Variants in TAB3 observed in about 807,000 individuals in gnomAD.
TAB3 encodes TGF-beta-activated kinase 1 and MAP3K7-binding protein 3.
Under a neutral mutation model 48.1 loss-of-function variants are expected in TAB3, and 18 were observed. The ratio of observed to expected loss-of-function variants is 0.37; its 90% CI spans 0.26 to 0.55. TAB3 has a LOEUF of 0.55. Ranked by LOEUF, TAB3 falls within the 20% of genes least tolerant of loss-of-function variation. TAB3 has a pLI of 0.78. For synonymous variants in TAB3, 185 were observed against 190.2 expected, an observed-to-expected ratio of 0.97 and a Z score of 0.22; for missense variants, 414 against 549.8, an observed-to-expected ratio of 0.75 and a Z score of 2.47.
In TAB3 at chrX:30,831,553, T is replaced by C. The variant is rs1186983685; in HGVS notation, c.2013A>G (p.Gln671=). The change falls in exon 11 of 11, where the codon CAA becomes CAG. Residue 671 remains glutamine, a synonymous_variant. Coordinates refer to ENST00000288422, the MANE Select transcript of TAB3 (RefSeq NM_152787.5). ...CATCTCGAGGTTGTGTCCGAGGACT[T>C]TGTGTGGAGCCAGTTCGATGCTCTG... ...AADEHRTGST[Q]SPRTQPRDED... 1 of 1,211,375 alleles carries C rather than the reference T, an allele frequency of 8.3e-7. No homozygotes were observed. Among genetic ancestry groups the C allele is most frequent in the Non-Finnish European group, 1.1e-6 (1 of 895,390 alleles).
intron 8 of TAB3, chrX:30,843,269 TA>T: frequency 3.7e-6 from 1 of 270,260 alleles, no homozygotes; most frequent in Non-Finnish European, 6.4e-6. Context: ...GTCTACAATG[TA>T]TTACACTTAA....
intron 1 of TAB3, among the ~76,000 whole-genome samples, chrX:30,872,977 C>G (rs1237751021): frequency 2.7e-5 from 3 of 111,050 alleles, no homozygotes; most frequent in Non-Finnish European, 5.7e-5. Flanking sequence ...GATAAAGAAA[C>G]AAGTTAAACA....
intron 9 of TAB3, among the ~76,000 whole-genome samples, chrX:30,841,481 T>C (rs1938438992): frequency 9.2e-6 from 1 of 108,260 alleles, no homozygotes; most frequent in African/African-American, 3.4e-5. Flanking sequence ...ATGGTAATAT[T>C]AAACAATAAA....
intron 4 of TAB3, among the ~76,000 whole-genome samples, chrX:30,860,051 T>G (rs776305658): frequency 3.5e-4 from 39 of 111,775 alleles, no homozygotes; most frequent in Non-Finnish European, 3.4e-4. Context: ...CTTGAAGAGG[T>G]GCACTCACTG....
In TAB3 at chrX:30,855,369, A is replaced by G. The variant is rs1431877185; in HGVS notation, c.296T>C (p.Val99Ala). 1 of 1,209,379 alleles carries G rather than the reference A, an allele frequency of 8.3e-7. No homozygotes were observed. The highest frequency in any genetic ancestry group is 1.8e-5 in the African/African-American group (1 of 57,132). Residue 99 changes from valine (V) to alanine (A), a missense_variant, in exon 6 of 11, where the codon GTA becomes GCA. Coordinates refer to ENST00000288422, the MANE Select transcript of TAB3 (RefSeq NM_152787.5). ...GAQLNGGRTL[V>A]HSSSDGHIDP... The stretch of plus-strand genomic sequence containing the variant: ...AATATGTCCATCACTTGAGCTATGT[A>G]CCAGTGTTCGACCACCATTAAGTTG...
chrX:30,840,151 C>CT (rs144849666), intron 9 of TAB3, among the ~76,000 whole-genome samples: 1 of 108,977 alleles, frequency 9.2e-6, no homozygotes, highest in Non-Finnish European at 1.9e-5. Flanking sequence ...TTTGTGTTCT[C>CT]TTTTTTTACA....
chrX:30,833,575 T>C (rs1259091686), intron 10 of TAB3, among the ~76,000 whole-genome samples: 1 of 110,781 alleles, frequency 9.0e-6, no homozygotes, highest in African/African-American at 3.3e-5. Context: ...CTCACGCCTG[T>C]AATCCCAGCA....
At chrX:30,866,804 A>G (rs1449904512) in intron 4 of TAB3, among the ~76,000 whole-genome samples, 2 of 100,367 alleles carry the variant, frequency 2.0e-5, no homozygotes, top group African/African-American at 7.4e-5. Context: ...ATAACCTCCC[A>G]CCTCTTAAGT....
rs750102674 is a variant in TAB3 at position 30,834,117 on chromosome X, G to A, written c.1924C>T (p.Arg642Ter). 4 of 1,211,038 alleles carry A rather than the reference G, an allele frequency of 3.3e-6. No individual in the cohort carries two copies. The highest frequency in any genetic ancestry group is 4.5e-6 in the Non-Finnish European group (4 of 895,283). ...SDPCTIERKARRISVTSKVQA... is the reference protein window; with the variant it reads ...SDPCTIERKA ...ACTTTGGAGGTCACGCTAATTCTTC[G>A]GGCTTTTCTCTCAATTGTGCAGGGG... Residue 642 changes from arginine (R) to a stop codon, truncating the protein, a stop_gained, in exon 10 of 11, where the codon CGA (arginine) becomes TGA (stop). Coordinates refer to ENST00000288422, the MANE Select transcript of TAB3 (RefSeq NM_152787.5). LOFTEE classifies it high-confidence loss of function.
chrX:30,833,357 C>T (rs1938086658), intron 10 of TAB3, among the ~76,000 whole-genome samples: 1 of 110,698 alleles, frequency 9.0e-6, no homozygotes, highest in African/African-American at 3.3e-5. Flanking sequence ...AAAAAAAATT[C>T]GTATCTTACT....
chrX:30,855,132 G>A lies in TAB3; in HGVS notation c.533C>T (p.Pro178Leu), dbSNP rs764856572. ...GTGCATGTATGAAGGAGGTGGCGGTGGTGGTGAAGGCCCTTGCATAGCAGA... is the reference window on the plus strand; with the variant it reads ...GTGCATGTATGAAGGAGGTGGCGGTAGTGGTGAAGGCCCTTGCATAGCAGA... ...NPSAMQGPSP[P>L]PPPPSYMHIP... The change falls in exon 6 of 11, where the codon CCA (proline) becomes CTA (leucine). Residue 178 changes from proline to leucine, a missense_variant. Coordinates refer to ENST00000288422, the MANE Select transcript of TAB3 (RefSeq NM_152787.5). 3.3e-6 allele frequency: 4 copies of A among 1,211,565 alleles called. No individual in the cohort carries two copies. In the South Asian group the frequency reaches 7.0e-5, roughly 21 times the overall value.
intron 1 of TAB3, among the ~76,000 whole-genome samples, chrX:30,873,489 C>G (rs1804361278): frequency 1.9e-5 from 2 of 103,324 alleles, no homozygotes; most frequent in Non-Finnish European, 4.0e-5. Flanking sequence ...CGCGCCACAG[C>G]ACTCCCGCCT....
At chrX:30,865,350 G>A (rs1356529773) in intron 4 of TAB3, among the ~76,000 whole-genome samples, 1 of 112,350 alleles carries the variant, frequency 8.9e-6, no homozygotes, top group Non-Finnish European at 1.9e-5. Context: ...TGTCTTGAGA[G>A]AACTTTTAGG....
At chrX:30,883,366 C>T (rs1050763235) in intron 1 of TAB3, among the ~76,000 whole-genome samples, 6 of 112,267 alleles carry the variant, frequency 5.3e-5, no homozygotes, top group Non-Finnish European at 1.1e-4. Context: ...TTAAGCACTA[C>T]ACACGTATTA....
chrX:30,846,678 G>A, intron 7 of TAB3, 34 bp from the exon 8 acceptor site: 1 of 985,559 alleles, frequency 1.0e-6, no homozygotes, highest in Non-Finnish European at 1.4e-6. Context: ...GCAATTGTGG[G>A]AAAGTCATTA....
chrX:30,840,176 G>A (rs1168188218), intron 9 of TAB3, among the ~76,000 whole-genome samples: 1 of 109,268 alleles, frequency 9.2e-6, no homozygotes, highest in Non-Finnish European at 1.9e-5. Context: ...AGTCTACCTT[G>A]AAGTTTATTG....
rs1218512958 is a variant in TAB3, at chrX:30,829,847, GC to G, written c.*1579del. ...TTACTGCTAAATTAGAAGTGGGGGG[GC>G]GGTGTAGGGGGGTTGGGGGAGAAAC... On this transcript the variant is annotated 3_prime_UTR_variant, in exon 11 of 11. Transcript: ENST00000288422. 4.2e-5 allele frequency: 4 copies of G among 95,510 alleles called. No individual in the cohort carries two copies. Among genetic ancestry groups the G allele is most frequent in the African/African-American group, 1.5e-4 (4 of 26,471 alleles). 7.9% of individuals were successfully genotyped at this position (95,510 alleles called of 1,213,427 possible). A position where few individuals can be genotyped will look rare whatever the true frequency, so the allele number is the denominator to read the frequency against.
chrX:30,846,737 G>T, intron 7 of TAB3, 93 bp from the exon 8 acceptor site: 1 of 533,201 alleles, frequency 1.9e-6, no homozygotes, highest in Non-Finnish European at 3.1e-6. Context: ...GTAATGATTG[G>T]GTATTACCAA....
intron 7 of TAB3, among the ~76,000 whole-genome samples, chrX:30,847,207 A>G (rs1938654689): frequency 9.0e-6 from 1 of 111,457 alleles, no homozygotes; most frequent in Admixed American, 9.6e-5. Context: ...GCCAGGATTT[A>G]TATAAAAGAC....
Sources: gnomAD v4.1 joint callset for allele counts (sites outside exome capture counted in the v4.1 genomes callset) on GRCh38, gnomAD v4.1.1 for gene constraint, MANE v1.5 for transcripts, NCBI Gene and HGNC (gene_info 2026-07-23, HGNC 2026-07-21) for gene names.